LRIG1: variants seen among roughly 807,000 people sequenced by gnomAD.
LRIG1 encodes leucine-rich repeats and immunoglobulin-like domains protein 1.
In LRIG1, 48 loss-of-function variants were observed where a neutral mutation model predicts 99.2. That is an observed-to-expected ratio of 0.48 (90% CI 0.38 to 0.62). The LOEUF (loss-of-function observed/expected upper bound fraction) is 0.62, where lower values mean the gene tolerates loss of function less well. Ranked by LOEUF, LRIG1 falls within the 20% of genes least tolerant of loss-of-function variation. LRIG1 has a pLI of 0.00. For synonymous variants in LRIG1, 772 were observed against 596.1 expected, an observed-to-expected ratio of 1.29 and a Z score of -4.30; for missense variants, 1,646 against 1,434.4, an observed-to-expected ratio of 1.15 and a Z score of -2.38.
intron 3 of LRIG1, among the ~76,000 whole-genome samples, chr3:66,441,863 G>A (rs140580420): frequency 6.6e-6 from 1 of 152,328 alleles, no homozygotes; most frequent in Non-Finnish European, 1.5e-5. Context: ...CTTGCTCTGT[G>A]ACGTTGAGCA....
At chr3:66,449,589 C>A (rs1703835363) in intron 3 of LRIG1, among the ~76,000 whole-genome samples, 1 of 152,198 alleles carries the variant, frequency 6.6e-6, no homozygotes, top group Non-Finnish European at 1.5e-5. Flanking sequence ...GTGCCACAGG[C>A]CCGTGGGGCA....
At chr3:66,446,436 G>A (rs1199421168) in intron 3 of LRIG1, among the ~76,000 whole-genome samples, 1 of 103,966 alleles carries the variant, frequency 9.6e-6, no homozygotes, top group African/African-American at 3.7e-5. Context: ...GAAAGAGTTT[G>A]TTCTTCTCTC....
chr3:66,424,565 G>T (rs766009259), intron 3 of LRIG1, among the ~76,000 whole-genome samples: 3 of 152,156 alleles, frequency 2.0e-5, no homozygotes, highest in Non-Finnish European at 4.4e-5. Context: ...TAACTGCACA[G>T]TTCCCAAGAA....
At chr3:66,401,950 T>TG (rs1302150098) in intron 9 of LRIG1, among the ~76,000 whole-genome samples, 1 of 152,126 alleles carries the variant, frequency 6.6e-6, no homozygotes, top group African/African-American at 2.4e-5. Flanking sequence ...CTCATGTCCT[T>TG]GGAAGTAGCC....
chr3:66,492,198 C>T (rs1701116626), intron 1 of LRIG1, among the ~76,000 whole-genome samples: 1 of 152,206 alleles, frequency 6.6e-6, no homozygotes, highest in African/African-American at 2.4e-5. Context: ...TATCTATCCT[C>T]CAGTTCAGAA....
In LRIG1 at chr3:66,381,329, G is replaced by A. The variant is rs550286909; in HGVS notation, c.2770+150C>T. On this transcript the variant is annotated intron_variant, in intron 17 of 18. Transcript: ENST00000273261. The stretch of plus-strand genomic sequence containing the variant: ...GAGAAACTATCCTGGAATTAAGAGA[G>A]CCAGGCCTGAGCTTCCCCTGTATAT... The A allele has an allele frequency of 6.1e-6, 4 of 656,414 alleles. No individual in the cohort carries two copies. In the African/African-American group the frequency reaches 7.2e-5, roughly 12 times the overall value. The allele number at this position is 656,414 out of a possible 1,614,324, so 40.7% of individuals were successfully genotyped here.
intron 1 of LRIG1, among the ~76,000 whole-genome samples, chr3:66,464,195 A>G (rs895225262): frequency 2.0e-5 from 3 of 152,260 alleles, no homozygotes; most frequent in Admixed American, 2.0e-4. Flanking sequence ...TTCTGGGTGT[A>G]AAGATACTGG....
chr3:66,427,765 G>A (rs1031000080), intron 3 of LRIG1, among the ~76,000 whole-genome samples: 9 of 152,082 alleles, frequency 5.9e-5, no homozygotes, highest in Non-Finnish European at 7.4e-5. Context: ...AAAAATTTCC[G>A]CACCCAGAAG....
At chr3:66,455,708 T>C (rs1485081745) in intron 2 of LRIG1, among the ~76,000 whole-genome samples, 2 of 152,182 alleles carry the variant, frequency 1.3e-5, no homozygotes, top group Non-Finnish European at 2.9e-5. Context: ...AAGCCATCAG[T>C]ATCACATAGG....
At chr3:66,463,133 C>T (rs1046274333) in intron 1 of LRIG1, among the ~76,000 whole-genome samples, 6 of 152,098 alleles carry the variant, frequency 3.9e-5, no homozygotes, top group Admixed American at 3.3e-4. Context: ...CTGAGAACTG[C>T]GCGGCCCTAA....
intron 11 of LRIG1, among the ~76,000 whole-genome samples, chr3:66,397,164 G>C (rs1021393427): frequency 6.6e-6 from 1 of 152,190 alleles, no homozygotes; most frequent in East Asian, 1.9e-4. Flanking sequence ...CACAGGGCAA[G>C]TGCCCAGGCC....
intron 3 of LRIG1, among the ~76,000 whole-genome samples, chr3:66,441,516 G>C (rs575080316): frequency 1.2e-4 from 18 of 152,262 alleles, no homozygotes; most frequent in Admixed American, 4.6e-4. Context: ...CTGTTACTTC[G>C]CATCAGTGAA....
intron 3 of LRIG1, among the ~76,000 whole-genome samples, chr3:66,442,092 GAACAA>G (rs1703559543): frequency 6.6e-6 from 1 of 152,078 alleles, no homozygotes; most frequent in Non-Finnish European, 1.5e-5. Context: ...GACCACTACT[GAACAA>G]AACACAAACA....
Position 66,429,353 on chromosome 3 carries a change from T to C in LRIG1, c.366-12087A>G, listed in dbSNP as rs1703083380. Among the ~76,000 whole-genome samples the C allele has an allele frequency of 2.0e-5, 3 of 152,176 alleles. 1 individual carries two copies. In the South Asian group the frequency reaches 6.2e-4, roughly 31 times the overall value. ...AGTCTAGAGTGACCCAACTCATGAA[T>C]GACCCAGGACCCAATCCAAACTATC... On this transcript the variant is annotated intron_variant, in intron 3 of 18. Transcript: ENST00000273261.
intron 2 of LRIG1, among the ~76,000 whole-genome samples, chr3:66,454,291 G>A (rs1703998877): frequency 6.6e-6 from 1 of 152,216 alleles, no homozygotes; most frequent in Non-Finnish European, 1.5e-5. Flanking sequence ...TCAGAAGGCA[G>A]CAGAGGCCCA....
At chr3:66,404,234 C>A (rs1204911834) in intron 9 of LRIG1, 1 of 1,288,946 alleles carries the variant, frequency 7.8e-7, no homozygotes, top group Non-Finnish European at 1.0e-6. Context: ...ACTCTCCCTA[C>A]CACAGGCTCT....
intron 5 of LRIG1, among the ~76,000 whole-genome samples, chr3:66,413,300 G>C (rs1490104446): frequency 6.6e-6 from 1 of 152,222 alleles, no homozygotes; most frequent in African/African-American, 2.4e-5. Context: ...GAACGCGTGT[G>C]TGCTCACGTC....
intron 9 of LRIG1, among the ~76,000 whole-genome samples, chr3:66,399,681 T>C (rs527539912): frequency 3.9e-5 from 6 of 152,046 alleles, no homozygotes; most frequent in Non-Finnish European, 5.9e-5. Flanking sequence ...GGTGGGAGGA[T>C]TGCTTGAGCC....
chr3:66,380,647 G>C lies in LRIG1; in HGVS notation c.2985C>G (p.Leu995=), dbSNP rs578147041. The C allele has an allele frequency of 2.5e-6, 4 of 1,614,230 alleles. No individual in the cohort carries two copies. The highest frequency in any genetic ancestry group is 2.2e-5 in the South Asian group (2 of 91,088). The change falls in exon 18 of 19, where the codon CTC becomes CTG. Residue 995 remains leucine, a synonymous_variant. Transcript: ENST00000273261. ...GCATTCTATCGTGGTTACTGGGGTA[G>C]AGCGACCCTTGGCACTCGGGGCAGG... ...AGSCPECQGS[L]YPSNHDRMLT...
Sources: gnomAD v4.1 joint callset for allele counts (sites outside exome capture counted in the v4.1 genomes callset) on GRCh38, gnomAD v4.1.1 for gene constraint, MANE v1.5 for transcripts, NCBI Gene and HGNC (gene_info 2026-07-23, HGNC 2026-07-21) for gene names.